Variants in SPAG16 observed in about 807,000 individuals in gnomAD.
SPAG16 encodes sperm-associated antigen 16 protein.
SPAG16 carries 86 observed loss-of-function variants against 80.4 expected under a neutral mutation model. The ratio of observed to expected loss-of-function variants is 1.07; its 90% CI spans 0.90 to 1.28. The LOEUF (loss-of-function observed/expected upper bound fraction) is 1.28. SPAG16 is among the 50% of genes most tolerant of loss of function. The probability of loss-of-function intolerance (pLI) is 0.00; values close to 1 mark genes in which losing one functional copy is unlikely to be tolerated. For synonymous variants in SPAG16, 294 were observed against 265.9 expected (o/e 1.11, Z -1.03); for missense variants, 870 against 765.3 (o/e 1.14, Z -1.61).
chr2:213,610,802 G>A (rs769676656), intron 10 of SPAG16, among the ~76,000 whole-genome samples: 18 of 152,134 alleles, frequency 1.2e-4, no homozygotes, highest in Non-Finnish European at 1.9e-4. Flanking sequence ...GATGTGCTCT[G>A]TTACAAGGTT....
At chr2:213,948,562 ATT>A (rs2106314122) in intron 12 of SPAG16, among the ~76,000 whole-genome samples, 1 of 152,112 alleles carries the variant, frequency 6.6e-6, no homozygotes, top group East Asian at 1.9e-4. Flanking sequence ...TTATCTTTTT[ATT>A]GAGTAATCCA....
At position 214,042,007 on chromosome 2, in the gene SPAG16, T is replaced by TATATATATATATATACAC. The variant is rs1371293247; in HGVS notation, c.1527+27931_1527+27932insTATATATATATATACACA. On this transcript the variant is annotated intron_variant, in intron 13 of 15. Coordinates refer to ENST00000331683, the MANE Select transcript of SPAG16 (RefSeq NM_024532.5). ...ATATATATATATATATATATATATA[T>TATATATATATATATACAC]ACACACACACACAAATATATACACA... Among the ~76,000 whole-genome samples, 122 of 101,166 alleles carry TATATATATATATATACAC rather than the reference T, an allele frequency of 1.2e-3. 1 individual carries two copies. The highest frequency in any genetic ancestry group is 2.0e-3 in the Non-Finnish European group (106 of 52,676). The allele number at this position is 101,166 out of a possible 152,430, so 66.4% of individuals were successfully genotyped here.
At chr2:213,644,405 T>C (rs1444206299) in intron 10 of SPAG16, among the ~76,000 whole-genome samples, 1 of 152,274 alleles carries the variant, frequency 6.6e-6, no homozygotes, top group East Asian at 1.9e-4. Context: ...TTGATGCTAG[T>C]AGACATTCTT....
intron 10 of SPAG16, among the ~76,000 whole-genome samples, chr2:213,528,456 A>G (rs1420999928): frequency 6.6e-6 from 1 of 151,800 alleles, no homozygotes; most frequent in Non-Finnish European, 1.5e-5. Flanking sequence ...ATAGTATGTA[A>G]CAGATGTGTG....
intron 9 of SPAG16, among the ~76,000 whole-genome samples, chr2:213,455,813 C>G (rs1027369743): frequency 6.6e-6 from 1 of 152,156 alleles, no homozygotes; most frequent in Non-Finnish European, 1.5e-5. Context: ...TGGCCTGGTT[C>G]CAGTCTGCCA....
At chr2:213,975,725 C>T (rs2045337164) in intron 12 of SPAG16, among the ~76,000 whole-genome samples, 1 of 151,732 alleles carries the variant, frequency 6.6e-6, no homozygotes, top group Non-Finnish European at 1.5e-5. Context: ...GTGAGAAAAA[C>T]TCTGGAATGT....
intron 13 of SPAG16, among the ~76,000 whole-genome samples, chr2:214,039,692 AT>A (rs1468326667): frequency 1.3e-5 from 2 of 152,076 alleles, no homozygotes; most frequent in African/African-American, 4.8e-5. Flanking sequence ...TGGCTATAAA[AT>A]TTTTCATTCA....
intron 13 of SPAG16, among the ~76,000 whole-genome samples, chr2:214,041,717 G>A (rs2049017125): frequency 2.0e-5 from 3 of 151,332 alleles, no homozygotes; most frequent in Non-Finnish European, 2.9e-5. Flanking sequence ...ACCTCTTGAA[G>A]ACTGATTCCT....
chr2:213,316,262 C>A (rs1026693378), intron 4 of SPAG16, among the ~76,000 whole-genome samples: 1 of 151,980 alleles, frequency 6.6e-6, no homozygotes, highest in Non-Finnish European at 1.5e-5. Context: ...TCGCACTTGC[C>A]TTCTCTCATT....
intron 10 of SPAG16, among the ~76,000 whole-genome samples, chr2:213,752,166 C>T (rs183443000): frequency 1.3e-5 from 2 of 152,232 alleles, no homozygotes; most frequent in East Asian, 1.9e-4. Flanking sequence ...TTTTCTCATG[C>T]GAGACATATT....
intron 13 of SPAG16, among the ~76,000 whole-genome samples, chr2:214,028,587 C>A (rs933275174): frequency 2.6e-5 from 4 of 151,678 alleles, no homozygotes; most frequent in African/African-American, 9.7e-5. Flanking sequence ...ATGCCTCAAC[C>A]CAAGATTTTA....
intron 9 of SPAG16, among the ~76,000 whole-genome samples, chr2:213,434,436 T>C (rs772194875): frequency 3.1e-4 from 47 of 152,148 alleles, no homozygotes; most frequent in Admixed American, 2.0e-3. Context: ...AAGACCTCAA[T>C]AGCACAAGTA....
At position 213,746,956 on chromosome 2, in the gene SPAG16, A is replaced by C. The variant is rs536326482; in HGVS notation, c.1071-115529A>C. Among the ~76,000 whole-genome samples, 3 of 152,346 alleles carry C rather than the reference A, an allele frequency of 2.0e-5. No individual in the cohort carries two copies. The South Asian group carries it at 6.2e-4, about 32-fold the overall frequency. On this transcript the variant is annotated intron_variant, in intron 10 of 15. Transcript: ENST00000331683. The stretch of plus-strand genomic sequence containing the variant: ...TGTACTCCTTCTACTTATCAAAAAA[A>C]AGTTAACTGTAAATCAGTCTCAGGT...
At chr2:214,302,673 G>A (rs1694637406) in intron 15 of SPAG16, among the ~76,000 whole-genome samples, 1 of 152,004 alleles carries the variant, frequency 6.6e-6, no homozygotes, top group South Asian at 2.1e-4. Context: ...ATTAGAGATG[G>A]GGTTTTGCCA....
chr2:213,825,370 A>T (rs1165539456), intron 10 of SPAG16, among the ~76,000 whole-genome samples: 1 of 152,108 alleles, frequency 6.6e-6, no homozygotes, highest in Non-Finnish European at 1.5e-5. Flanking sequence ...TCTGTTGTAT[A>T]TGGCTTTAAT....
chr2:213,926,401 C>T (rs955283335), intron 11 of SPAG16, among the ~76,000 whole-genome samples: 1 of 152,030 alleles, frequency 6.6e-6, no homozygotes, highest in African/African-American at 2.4e-5. Context: ...TCCATTCCAC[C>T]CTTTCCTCCA....
intron 12 of SPAG16, among the ~76,000 whole-genome samples, chr2:213,938,457 A>G (rs1195811083): frequency 6.6e-6 from 1 of 151,978 alleles, no homozygotes; most frequent in Non-Finnish European, 1.5e-5. Flanking sequence ...GAGTTTATTC[A>G]GCTCAAAATT....
In SPAG16 at chr2:214,165,469, C is replaced by CTTTTT. The variant is rs67726428; in HGVS notation, c.1720+16236_1720+16240dup. Among the ~76,000 whole-genome samples, 58 of 37,858 alleles carry CTTTTT rather than the reference C, an allele frequency of 1.5e-3. 10 individuals carry two copies. Among genetic ancestry groups the CTTTTT allele is most frequent in the African/African-American group, 3.8e-3 (27 of 7,174 alleles). The allele number at this position is 37,858 out of a possible 152,430, so 24.8% of individuals were successfully genotyped here. On this transcript the variant is annotated intron_variant, in intron 15 of 15. Transcript: ENST00000331683. ...TTTAAAAATGCTTTGCATCACCATC[C>CTTTTT]TTTTTTTTTTTTTTTTTTTTTTTTT...
intron 12 of SPAG16, among the ~76,000 whole-genome samples, chr2:213,984,243 A>T (rs1321455159): frequency 1.3e-5 from 2 of 152,146 alleles, no homozygotes; most frequent in Non-Finnish European, 2.9e-5. Flanking sequence ...ATATGCTTCA[A>T]ATTGACATTG....
Sources: allele counts gnomAD v4.1 joint callset (sites outside exome capture counted in the v4.1 genomes callset), GRCh38; gene constraint gnomAD v4.1.1; transcripts MANE v1.5; gene names NCBI Gene and HGNC (gene_info 2026-07-23, HGNC 2026-07-21).